Variants in ST6GALNAC3 observed in about 807,000 individuals in gnomAD.
ST6GALNAC3 encodes ST6 N-acetylgalactosaminide alpha-2,6-sialyltransferase 3.
A neutral mutation model predicts 32.7 loss-of-function variants in ST6GALNAC3; 25 were observed. That is an observed-to-expected ratio of 0.76 (90% CI 0.56 to 1.07). The LOEUF is 1.07. ST6GALNAC3 is among the 50% of genes least tolerant of loss of function. The probability of loss-of-function intolerance (pLI) is 0.00; values close to 1 mark genes in which losing one functional copy is unlikely to be tolerated. For missense variants in ST6GALNAC3, 355 were observed against 382.4 expected, an observed-to-expected ratio of 0.93 and a Z score of 0.60; for synonymous variants, 129 against 133.1, an observed-to-expected ratio of 0.97 and a Z score of 0.21.
At chr1:76,370,407 C>G (rs973431555) in intron 2 of ST6GALNAC3, among the ~76,000 whole-genome samples, 4 of 152,168 alleles carry the variant, frequency 2.6e-5, no homozygotes, top group Non-Finnish European at 5.9e-5. Flanking sequence ...TTCCTCCCAT[C>G]TTTTTCCTTT....
intron 3 of ST6GALNAC3, among the ~76,000 whole-genome samples, chr1:76,529,024 C>A (rs1663089265): frequency 6.6e-6 from 1 of 151,768 alleles, no homozygotes; most frequent in Non-Finnish European, 1.5e-5. Flanking sequence ...ATGGAAATGA[C>A]CATTGCTGAT....
intron 1 of ST6GALNAC3, among the ~76,000 whole-genome samples, chr1:76,277,759 G>A (rs11162110): frequency 0.054 from 8,128 of 151,760 alleles, 689 homozygotes; most frequent in African/African-American, 0.18. Context: ...CATCATTTAC[G>A]TTTCCCAATA....
intron 3 of ST6GALNAC3, among the ~76,000 whole-genome samples, chr1:76,458,922 A>C (rs1338954372): frequency 6.6e-6 from 1 of 151,996 alleles, no homozygotes; most frequent in African/African-American, 2.4e-5. Flanking sequence ...AAGGAAAAAT[A>C]ATCTTGTAAA....
intron 3 of ST6GALNAC3, among the ~76,000 whole-genome samples, chr1:76,452,201 C>T (rs1302953667): frequency 6.6e-6 from 1 of 152,142 alleles, no homozygotes; most frequent in Non-Finnish European, 1.5e-5. Context: ...GAATAAGTCT[C>T]ACAAGATCTA....
intron 3 of ST6GALNAC3, among the ~76,000 whole-genome samples, chr1:76,536,654 CAAAAAA>C (rs35157329): frequency 1.7e-5 from 1 of 57,612 alleles, no homozygotes; most frequent in South Asian, 8.9e-4. Context: ...AAATGGAAAG[CAAAAAA>C]AAAAAAAAAA....
Position 76,437,501 on chromosome 1 carries a change from A to G in ST6GALNAC3, c.623+25084A>G, listed in dbSNP as rs1419556722. Among the ~76,000 whole-genome samples the G allele has an allele frequency of 1.3e-5, 2 of 152,000 alleles. 1 individual carries two copies. The highest frequency in any genetic ancestry group is 3.9e-4 in the East Asian group (2 of 5,148). On this transcript the variant is annotated intron_variant, in intron 3 of 4. Transcript: ENST00000328299. ...ATAAATGTAACATTCGTTGGTGCCC[A>G]ATGAAGTCTTTTTTTTTTAACTTGT...
At chr1:76,144,683 G>T (rs955047774) in intron 1 of ST6GALNAC3, among the ~76,000 whole-genome samples, 1 of 152,148 alleles carries the variant, frequency 6.6e-6, no homozygotes, top group Non-Finnish European at 1.5e-5. Flanking sequence ...TACTCTCCCC[G>T]CTTCCCCTAA....
rs1649292842 is a variant in ST6GALNAC3 at position 76,631,406 on chromosome 1, T to G, written c.*2600T>G. ...ATCTCACAACTTATTTTTCTCTGCT[T>G]TTATTTCCTGTTTTTCTTTGTTCCA... On this transcript the variant is annotated 3_prime_UTR_variant, in exon 5 of 5. Coordinates refer to ENST00000328299, the MANE Select transcript of ST6GALNAC3 (RefSeq NM_152996.4). 6.6e-6 allele frequency: 1 copy of G among 152,024 alleles called. No homozygotes were observed. The highest frequency in any genetic ancestry group is 1.5e-5 in the Non-Finnish European group (1 of 67,968). 9.4% of individuals were successfully genotyped at this position (152,024 alleles called of 1,614,324 possible). A position where few individuals can be genotyped will look rare whatever the true frequency, so the allele number is the denominator to read the frequency against.
At chr1:76,096,918 CTT>C (rs545909921) in intron 1 of ST6GALNAC3, among the ~76,000 whole-genome samples, 15 of 130,650 alleles carry the variant, frequency 1.1e-4, no homozygotes, top group South Asian at 2.5e-4. Context: ...AGTCATAGAG[CTT>C]TTTTTTTTTT....
chr1:76,158,637 A>G (rs776686224), intron 1 of ST6GALNAC3, among the ~76,000 whole-genome samples: 32 of 152,348 alleles, frequency 2.1e-4, no homozygotes, highest in Middle Eastern at 3.4e-3. Flanking sequence ...GGCTACAGGT[A>G]CTTTAATTAC....
chr1:76,365,726 A>G (rs985693126), intron 2 of ST6GALNAC3, among the ~76,000 whole-genome samples: 23 of 152,216 alleles, frequency 1.5e-4, no homozygotes, highest in Admixed American at 1.3e-3. Context: ...CTTTTACAAT[A>G]ATGACAAGCA....
At chr1:76,218,869 G>C (rs1655617510) in intron 1 of ST6GALNAC3, among the ~76,000 whole-genome samples, 1 of 152,156 alleles carries the variant, frequency 6.6e-6, no homozygotes, top group Non-Finnish European at 1.5e-5. Flanking sequence ...TTGTAGTATA[G>C]ACAATAATTA....
intron 1 of ST6GALNAC3, among the ~76,000 whole-genome samples, chr1:76,257,814 A>ACTG (rs1658003369): frequency 2.6e-5 from 4 of 152,138 alleles, no homozygotes; most frequent in Non-Finnish European, 4.4e-5. Context: ...AGAATAGGAT[A>ACTG]GAGGGCTAAT....
intron 3 of ST6GALNAC3, among the ~76,000 whole-genome samples, chr1:76,555,303 AC>A (rs1338359012): frequency 1.3e-5 from 2 of 152,250 alleles, no homozygotes; most frequent in Non-Finnish European, 2.9e-5. Context: ...TAAAATGTCA[AC>A]AAATGCAAAG....
chr1:76,179,805 G>T (rs664998), intron 1 of ST6GALNAC3, among the ~76,000 whole-genome samples: 6 of 152,240 alleles, frequency 3.9e-5, no homozygotes, highest in Middle Eastern at 6.8e-3. Flanking sequence ...CAAGCATGCT[G>T]CTGCCTCTGG....
intron 3 of ST6GALNAC3, among the ~76,000 whole-genome samples, chr1:76,606,902 G>C (rs531445471): frequency 1.4e-4 from 21 of 147,460 alleles, no homozygotes; most frequent in African/African-American, 5.3e-4. Context: ...AACACCAGCT[G>C]GGTCTCCTAC....
chr1:76,287,387 C>CT (rs5775339), intron 1 of ST6GALNAC3, among the ~76,000 whole-genome samples: 49,864 of 130,802 alleles, frequency 0.38, 9,851 homozygotes, highest in Admixed American at 0.46. Context: ...TTTTTTCTTC[C>CT]TTTTTTTTTT....
chr1:76,604,428 T>C (rs1030735439), intron 3 of ST6GALNAC3, among the ~76,000 whole-genome samples: 4 of 152,238 alleles, frequency 2.6e-5, no homozygotes, highest in Non-Finnish European at 5.9e-5. Flanking sequence ...GTAGAGAATC[T>C]ATAAATGAAA....
chr1:76,096,011 C>G (rs1010528932), intron 1 of ST6GALNAC3, among the ~76,000 whole-genome samples: 3 of 152,178 alleles, frequency 2.0e-5, no homozygotes, highest in African/African-American at 7.2e-5. Flanking sequence ...GGATGGTGCC[C>G]TCTGCCTGGT....
Sources: allele counts gnomAD v4.1 joint callset (sites outside exome capture counted in the v4.1 genomes callset), GRCh38; gene constraint gnomAD v4.1.1; transcripts MANE v1.5; gene names NCBI Gene and HGNC (gene_info 2026-07-23, HGNC 2026-07-21).